TSPEAR: variants seen among roughly 807,000 people sequenced by gnomAD.
TSPEAR encodes the protein thrombospondin-type laminin G domain and EAR repeat-containing protein.
In TSPEAR, 69 loss-of-function variants were observed where a neutral mutation model predicts 71.6. The ratio of observed to expected loss-of-function variants is 0.96; its 90% CI spans 0.79 to 1.18. The LOEUF is 1.18. Ranked by LOEUF, TSPEAR falls within the 50% of genes most tolerant of loss-of-function variation. The pLI is 0.00. For missense variants in TSPEAR, 971 were observed against 894.9 expected, an observed-to-expected ratio of 1.09 and a Z score of -1.09; for synonymous variants, 402 against 387.2, an observed-to-expected ratio of 1.04 and a Z score of -0.45.
rs202031709 is a variant in TSPEAR at position 44,574,438 on chromosome 21, C to A, written c.83-6433G>T. The A allele has an allele frequency of 2.5e-6, 4 of 1,600,110 alleles. No individual in the cohort carries two copies. In the South Asian group the frequency reaches 4.4e-5, roughly 18 times the overall value. On this transcript the variant is annotated intron_variant, in intron 1 of 11. Transcript: ENST00000323084. ...TGCACCTCCTCCTCCTGCCAGCAGG[C>A]CTGCTGCGTGCCCGTCTGCTGCAAG...
chr21:44,686,886 C>G lies in TSPEAR; in HGVS notation c.82+24547G>C, dbSNP rs79376595. 1.2e-3 allele frequency among the ~76,000 whole-genome samples: 178 copies of G among 152,288 alleles called. 1 individual carries two copies. The East Asian group carries it at 0.03, about 25-fold the overall frequency. ...TGAAGCTGTTTCTCGTTGTCCTTTGCCTTCCTGACCAAGACAATGTCAGCA... is the reference window on the plus strand; with the variant it reads ...TGAAGCTGTTTCTCGTTGTCCTTTGGCTTCCTGACCAAGACAATGTCAGCA... On this transcript the variant is annotated intron_variant, in intron 1 of 11. Coordinates refer to ENST00000323084, the MANE Select transcript of TSPEAR (RefSeq NM_144991.3).
At chr21:44,656,065 C>T (rs139953963) in intron 1 of TSPEAR, among the ~76,000 whole-genome samples, 11 of 152,274 alleles carry the variant, frequency 7.2e-5, no homozygotes, top group African/African-American at 2.2e-4. Context: ...AGGGACAAGC[C>T]GGGCGAGGCC....
In TSPEAR at chr21:44,623,536, T is replaced by C. The variant is rs1555933861; in HGVS notation, c.83-55531A>G. Among the ~76,000 whole-genome samples the C allele has an allele frequency of 1.3e-5, 2 of 152,264 alleles. No homozygotes were observed. Among genetic ancestry groups the C allele is most frequent in the African/African-American group, 4.8e-5 (2 of 41,474 alleles). On this transcript the variant is annotated intron_variant, in intron 1 of 11. Transcript: ENST00000323084. This position sits in a 1 kb window ranked among gnomAD's most constrained non-coding sequence, Gnocchi z 4.5. Reference sequence around the variant, plus strand: ...CCTTTTGTTACACTTCATTTCCTTTTCGACTTCTTGCTTCCATCTGTGATC... The same window carrying C: ...CCTTTTGTTACACTTCATTTCCTTTCCGACTTCTTGCTTCCATCTGTGATC...
At chr21:44,627,016 A>G (rs1982835227) in intron 1 of TSPEAR, 1 of 1,222,788 alleles carries the variant, frequency 8.2e-7, no homozygotes, top group Non-Finnish European at 1.1e-6. Flanking sequence ...CCTCTCAGCA[A>G]CAAGGAAGGG....
At chr21:44,637,934 A>G in intron 1 of TSPEAR, 1 of 1,612,768 alleles carries the variant, frequency 6.2e-7, no homozygotes, top group African/African-American at 1.3e-5. Context: ...CCAGCAGTCT[A>G]GCTGCCAGCC....
chr21:44,639,952 A>G (rs782476322), intron 1 of TSPEAR, among the ~76,000 whole-genome samples: 8 of 152,044 alleles, frequency 5.3e-5, no homozygotes, highest in Non-Finnish European at 8.8e-5. Context: ...CAGAGCTTCA[A>G]CCCCCAGTGA....
intron 1 of TSPEAR, among the ~76,000 whole-genome samples, chr21:44,665,049 G>A (rs1985682899): frequency 6.6e-6 from 1 of 152,202 alleles, no homozygotes; most frequent in South Asian, 2.1e-4. Context: ...TGTGCACGTT[G>A]TATAGTGCAC....
intron 1 of TSPEAR, among the ~76,000 whole-genome samples, chr21:44,683,258 C>T (rs1343804963): frequency 1.3e-5 from 2 of 151,636 alleles, no homozygotes; most frequent in East Asian, 3.9e-4. Context: ...TGAACAAAAA[C>T]TGCACAAGAT....
At chr21:44,591,993 G>C (rs781919363) in intron 1 of TSPEAR, 10 of 1,598,900 alleles carry the variant, frequency 6.3e-6, no homozygotes, top group South Asian at 1.1e-5. Context: ...TCCCAGAGCA[G>C]ACAGGCTTGC....
chr21:44,710,410 A>G lies in TSPEAR; in HGVS notation c.82+1023T>C, dbSNP rs79379722. 0.13 allele frequency among the ~76,000 whole-genome samples: 19,174 copies of G among 148,082 alleles called. 1,738 individuals carry two copies. Among genetic ancestry groups the G allele is most frequent in the East Asian group, 0.42 (2,085 of 4,990 alleles). On this transcript the variant is annotated intron_variant, in intron 1 of 11. Transcript: ENST00000323084. This position sits in a 1 kb window ranked among gnomAD's most constrained non-coding sequence, Gnocchi z 4.6. ...CGTCCCTGGGTGGGCAGGCACGTTT[A>G]TGACCCCCACCCCCACCCCCACCCC...
At chr21:44,601,406 A>G (rs1262268939) in intron 1 of TSPEAR, 1 of 1,611,146 alleles carries the variant, frequency 6.2e-7, no homozygotes, top group Non-Finnish European at 8.5e-7. Flanking sequence ...TCCCAAAGCC[A>G]GCAGGGCTGC....
chr21:44,690,487 A>G, intron 1 of TSPEAR: 2 of 934,172 alleles, frequency 2.1e-6, no homozygotes, highest in Non-Finnish European at 2.6e-6. Context: ...CCCACAAGCA[A>G]TAAAAATCAG....
intron 1 of TSPEAR, among the ~76,000 whole-genome samples, chr21:44,696,562 G>T (rs1987342628): frequency 6.6e-6 from 1 of 152,164 alleles, no homozygotes; most frequent in Admixed American, 6.5e-5. Context: ...CCTATCACAT[G>T]ACTGTTTGCC....
At chr21:44,586,433 C>T (rs969986445) in intron 1 of TSPEAR, among the ~76,000 whole-genome samples, 1 of 152,094 alleles carries the variant, frequency 6.6e-6, no homozygotes, top group African/African-American at 2.4e-5. Context: ...GAGTAGCCAG[C>T]CCAAACAGAG....
chr21:44,538,971 GAA>G (rs2145999626), intron 2 of TSPEAR: 5 of 504,426 alleles, frequency 9.9e-6, no homozygotes, highest in Non-Finnish European at 1.8e-5. Context: ...GAACACAACA[GAA>G]AAGAGAATCA....
chr21:44,550,292 G>A, intron 2 of TSPEAR: 1 of 261,154 alleles, frequency 3.8e-6, no homozygotes, highest in Non-Finnish European at 7.5e-6. Context: ...CAGCCCCCCA[G>A]AGCCAGGCCA....
intron 1 of TSPEAR, among the ~76,000 whole-genome samples, chr21:44,701,456 CTG>C (rs1987644031): frequency 6.6e-6 from 1 of 152,194 alleles, no homozygotes; most frequent in Non-Finnish European, 1.5e-5. Context: ...TTATTGTGCA[CTG>C]TCTTTCCATT....
chr21:44,681,842 G>A, intron 1 of TSPEAR: 1 of 1,610,770 alleles, frequency 6.2e-7, no homozygotes, highest in Non-Finnish European at 8.5e-7. Context: ...CTCAGCAGCA[G>A]GAAGGGGTGC....
In TSPEAR at chr21:44,619,745, A is replaced by G. The variant is rs372252887; in HGVS notation, c.83-51740T>C. On this transcript the variant is annotated intron_variant, in intron 1 of 11. Transcript: ENST00000323084. ...ATAAATAACTCATGATATGGTTTCAACAGCAGATTTTAGCAGCTATAAGAA... is the reference window on the plus strand; with the variant it reads ...ATAAATAACTCATGATATGGTTTCAGCAGCAGATTTTAGCAGCTATAAGAA... Among the ~76,000 whole-genome samples the G allele has an allele frequency of 5.2e-5, 8 of 152,390 alleles. 1 individual carries two copies. Among genetic ancestry groups the G allele is most frequent in the Admixed American group, 1.3e-4 (2 of 15,304 alleles).
Sources: gnomAD v4.1 joint callset for allele counts (sites outside exome capture counted in the v4.1 genomes callset) on GRCh38, gnomAD v4.1.1 for gene constraint, Gnocchi (gnomAD v3.1) non-coding constraint, MANE v1.5 for transcripts, NCBI Gene and HGNC (gene_info 2026-07-23, HGNC 2026-07-21) for gene names.